The following IMMP2L variants were observed in gnomAD, a reference collection of about 807,000 sequenced individuals.
IMMP2L encodes the protein inner mitochondrial membrane peptidase subunit 2, also known as mitochondrial inner membrane protease subunit 2.
In IMMP2L, 18 loss-of-function variants were observed where a neutral mutation model predicts 19.3. The ratio of observed to expected loss-of-function variants is 0.93; its 90% CI spans 0.64 to 1.38. The LOEUF (loss-of-function observed/expected upper bound fraction) is 1.38, where lower values mean the gene tolerates loss of function less well. Ranked by LOEUF, IMMP2L falls within the 40% of genes most tolerant of loss-of-function variation. The pLI is 0.00. For synonymous variants in IMMP2L, 76 were observed against 73.0 expected, an observed-to-expected ratio of 1.04 and a Z score of -0.21; for missense variants, 233 against 218.2, an observed-to-expected ratio of 1.07 and a Z score of -0.43.
At chr7:111,009,824 G>C (rs1262641373) in intron 3 of IMMP2L, among the ~76,000 whole-genome samples, 1 of 152,110 alleles carries the variant, frequency 6.6e-6, no homozygotes, top group Non-Finnish European at 1.5e-5. Flanking sequence ...AAAAATAAAT[G>C]CTGTGGTTTT....
intron 3 of IMMP2L, among the ~76,000 whole-genome samples, chr7:111,236,069 T>C (rs1327988444): frequency 6.6e-6 from 1 of 152,104 alleles, no homozygotes; most frequent in East Asian, 1.9e-4. Flanking sequence ...ATGTCTTCAA[T>C]CTTTCCTCTC....
At chr7:111,446,041 G>T (rs1272684355) in intron 3 of IMMP2L, among the ~76,000 whole-genome samples, 1 of 152,030 alleles carries the variant, frequency 6.6e-6, no homozygotes, top group African/African-American at 2.4e-5. Context: ...TCCCACACCT[G>T]GCTCGGAGGG....
chr7:110,995,292 G>C (rs758560284), intron 3 of IMMP2L, among the ~76,000 whole-genome samples: 3 of 152,110 alleles, frequency 2.0e-5, no homozygotes, highest in Non-Finnish European at 4.4e-5. Context: ...TAGAACTTAG[G>C]CTAAAAGTTA....
At chr7:111,133,562 C>G (rs1802046714) in intron 3 of IMMP2L, among the ~76,000 whole-genome samples, 2 of 151,920 alleles carry the variant, frequency 1.3e-5, no homozygotes, top group Admixed American at 1.3e-4. Context: ...GGGTAAAAAT[C>G]AAACTTCATT....
intron 1 of IMMP2L, among the ~76,000 whole-genome samples, chr7:111,551,886 T>C (rs1790698964): frequency 6.6e-6 from 1 of 151,896 alleles, no homozygotes; most frequent in African/African-American, 2.4e-5. Flanking sequence ...AATTTTCCAG[T>C]AAAAAATATG....
intron 3 of IMMP2L, among the ~76,000 whole-genome samples, chr7:111,218,608 A>G (rs1252154517): frequency 1.3e-5 from 2 of 152,068 alleles, no homozygotes; most frequent in Non-Finnish European, 2.9e-5. Flanking sequence ...TCGTTAACCT[A>G]AAGACAGTTG....
At chr7:111,423,509 G>T (rs1464666719) in intron 3 of IMMP2L, among the ~76,000 whole-genome samples, 1 of 151,824 alleles carries the variant, frequency 6.6e-6, no homozygotes, top group African/African-American at 2.4e-5. Context: ...GCGTAAAGGT[G>T]TTTATAGTAT....
At chr7:111,041,984 T>C (rs1791941734) in intron 3 of IMMP2L, among the ~76,000 whole-genome samples, 1 of 152,178 alleles carries the variant, frequency 6.6e-6, no homozygotes, top group Non-Finnish European at 1.5e-5. Context: ...ACAATCTATA[T>C]TATAGGGCTT....
intron 1 of IMMP2L, among the ~76,000 whole-genome samples, chr7:111,548,404 A>G (rs571749040): frequency 1.3e-5 from 2 of 152,108 alleles, no homozygotes; most frequent in East Asian, 3.9e-4. Context: ...CCCCATGTCT[A>G]CTTTAGGGGT....
chr7:110,796,570 A>G (rs1280954234), intron 5 of IMMP2L, among the ~76,000 whole-genome samples: 1 of 152,004 alleles, frequency 6.6e-6, no homozygotes, highest in Non-Finnish European at 1.5e-5. Flanking sequence ...CACAATCTCA[A>G]TTTCTTTCAA....
chr7:110,677,742 G>GA (rs76882311), intron 5 of IMMP2L, among the ~76,000 whole-genome samples: 133 of 148,288 alleles, frequency 9.0e-4, no homozygotes, highest in East Asian at 8.8e-3. Flanking sequence ...AAGGATAAAA[G>GA]AAAAAAAAAA....
intron 5 of IMMP2L, among the ~76,000 whole-genome samples, chr7:110,807,475 T>C (rs974130963): frequency 6.6e-6 from 1 of 152,014 alleles, no homozygotes; most frequent in African/African-American, 2.4e-5. Context: ...ACCACTTCCC[T>C]TCATTTGTAC....
intron 3 of IMMP2L, among the ~76,000 whole-genome samples, chr7:111,137,271 C>T (rs1361039470): frequency 2.6e-5 from 4 of 152,048 alleles, no homozygotes; most frequent in African/African-American, 9.7e-5. Context: ...ATTCTATATT[C>T]AATTTATAAT....
chr7:111,522,355 A>G (rs1435851563), intron 1 of IMMP2L, among the ~76,000 whole-genome samples: 4 of 152,100 alleles, frequency 2.6e-5, no homozygotes, highest in African/African-American at 9.7e-5. Context: ...GCAAACAATC[A>G]ACGTAATGAA....
chr7:110,935,592 T>C (rs575768027), intron 4 of IMMP2L, among the ~76,000 whole-genome samples: 281 of 152,230 alleles, frequency 1.8e-3, no homozygotes, highest in Non-Finnish European at 3.2e-3. Context: ...TGAAGAGTGT[T>C]TTCCATCTTG....
intron 3 of IMMP2L, among the ~76,000 whole-genome samples, chr7:111,442,938 A>C (rs1837894678): frequency 6.6e-6 from 1 of 151,930 alleles, no homozygotes; most frequent in East Asian, 1.9e-4. Flanking sequence ...AAAAGCCTCT[A>C]TGTTGACAGG....
chr7:110,775,884 G>T (rs1799351583), intron 5 of IMMP2L, among the ~76,000 whole-genome samples: 1 of 151,494 alleles, frequency 6.6e-6, no homozygotes, highest in Non-Finnish European at 1.5e-5. Flanking sequence ...GCATTACCCT[G>T]GTTCTGTGGA....
chr7:110,845,179 T>C (rs1459514856), intron 5 of IMMP2L, among the ~76,000 whole-genome samples: 1 of 152,190 alleles, frequency 6.6e-6, no homozygotes, highest in African/African-American at 2.4e-5. Context: ...TTTATTTGTA[T>C]ACCTGTCTCC....
chr7:111,371,950 A>G (rs1830293023), intron 3 of IMMP2L, among the ~76,000 whole-genome samples: 1 of 152,026 alleles, frequency 6.6e-6, no homozygotes, highest in South Asian at 2.1e-4. Context: ...GGTATTCTTC[A>G]AACTGTGAAA....
Sources: allele counts gnomAD v4.1 joint callset (sites outside exome capture counted in the v4.1 genomes callset), GRCh38; gene constraint gnomAD v4.1.1; transcripts MANE v1.5; gene names NCBI Gene and HGNC (gene_info 2026-07-23, HGNC 2026-07-21).